Variants in KIF24 observed in about 807,000 individuals in gnomAD.
KIF24 encodes kinesin-like protein KIF24.
A neutral mutation model predicts 118.9 loss-of-function variants in KIF24; 81 were observed. The ratio of observed to expected loss-of-function variants is 0.68; its 90% CI spans 0.57 to 0.82. The LOEUF (loss-of-function observed/expected upper bound fraction) is 0.82, where lower values mean the gene tolerates loss of function less well. Among genes scored for constraint, KIF24 ranks in the 40% least tolerant of loss-of-function variants. KIF24 has a pLI of 0.00. For missense variants in KIF24, 1,560 were observed against 1,661.6 expected (o/e 0.94, Z 1.06); for synonymous variants, 599 against 610.0 (o/e 0.98, Z 0.27).
chr9:34,294,551 A>T (rs1325205595), intron 4 of KIF24, among the ~76,000 whole-genome samples: 1 of 152,026 alleles, frequency 6.6e-6, no homozygotes, highest in Non-Finnish European at 1.5e-5. Context: ...TCCGTCTCAA[A>T]AAAAAAAGAA....
At position 34,318,522 on chromosome 9, in the gene KIF24, C is replaced by T; in HGVS notation, c.-25-7151G>A. 2.1e-6 allele frequency: 2 copies of T among 944,180 alleles called. No homozygotes were observed. Among genetic ancestry groups the T allele is most frequent in the Non-Finnish European group, 3.3e-6 (2 of 597,286 alleles). 58.5% of individuals were successfully genotyped at this position (944,180 alleles called of 1,614,324 possible). A position where few individuals can be genotyped will look rare whatever the true frequency, so the allele number is the denominator to read the frequency against. On this transcript the variant is annotated intron_variant, in intron 1 of 12. Transcript: ENST00000402558. The surrounding 1 kb of genome is among the most constrained non-coding windows in gnomAD (Gnocchi z 4.9). ...ACCGCAGAGAAGCTGAGCCCCAAGG[C>T]AGCCACGCTGGCCGAACACAGCGCC...
intron 8 of KIF24, among the ~76,000 whole-genome samples, chr9:34,267,775 G>A: frequency 6.6e-6 from 1 of 152,192 alleles, no homozygotes; most frequent in East Asian, 1.9e-4. Flanking sequence ...CATTTCAAGT[G>A]CTCAATTGCC....
At chr9:34,328,697 G>C (rs186697096) in intron 1 of KIF24, among the ~76,000 whole-genome samples, 271 of 152,324 alleles carry the variant, frequency 1.8e-3, no homozygotes, top group Non-Finnish European at 2.6e-3. Flanking sequence ...AAGACATTGT[G>C]AACGATGCTT....
intron 4 of KIF24, among the ~76,000 whole-genome samples, chr9:34,296,747 C>T (rs1181083995): frequency 6.6e-6 from 1 of 151,132 alleles, no homozygotes; most frequent in Non-Finnish European, 1.5e-5. Context: ...TTTTTAACAC[C>T]CTTTCACTAT....
At position 34,256,810 on chromosome 9, in the gene KIF24, C is replaced by G; in HGVS notation, c.2797G>C (p.Asp933His). ...NSTSSGPSPR[D>H]SLAEKPYCSQ... ...CAGTATGGCTTCTCTGCCAGGCTGT[C>G]TCTGGGAGAAGGCCCTGAGGAAGTA... is the stretch of plus-strand genomic sequence containing the variant. The change falls in exon 11 of 13, where the codon GAC becomes CAC. Residue 933 changes from aspartate to histidine, a missense_variant. Transcript: ENST00000402558. 2 of 1,614,004 alleles carry G rather than the reference C, an allele frequency of 1.2e-6. No homozygotes were observed. Among genetic ancestry groups the G allele is most frequent in the Non-Finnish European group, 1.7e-6 (2 of 1,179,890 alleles).
At chr9:34,278,393 C>T (rs752060424) in intron 6 of KIF24, among the ~76,000 whole-genome samples, 1 of 152,086 alleles carries the variant, frequency 6.6e-6, no homozygotes, top group Non-Finnish European at 1.5e-5. Flanking sequence ...CTGGACAAGA[C>T]AGCAAAATTC....
chr9:34,331,284 A>T (rs1837926496), upstream of KIF24, among the ~76,000 whole-genome samples: 1 of 152,232 alleles, frequency 6.6e-6, no homozygotes. Flanking sequence ...CTTTTATGAC[A>T]CACGGGTAAC....
rs754865903 is a variant in KIF24 at position 34,297,121 on chromosome 9, A to G, written c.814-7T>C. The G allele has an allele frequency of 4.0e-6, 6 of 1,508,808 alleles. No homozygotes were observed. The highest frequency in any genetic ancestry group is 5.4e-6 in the Non-Finnish European group (6 of 1,104,774). The allele number at this position is 1,508,808 out of a possible 1,614,324, so 93.5% of individuals were successfully genotyped here. A position where few individuals can be genotyped will look rare whatever the true frequency, so the allele number is the denominator to read the frequency against. On this transcript the variant is annotated splice_region_variant and splice_polypyrimidine_tract_variant and intron_variant, in intron 3 of 12. Coordinates refer to ENST00000402558, the MANE Select transcript of KIF24 (RefSeq NM_194313.4). ...CATCAAAATAAAAAACATGCTGAAA[A>G]ATAAATTTGATTTTATGGAAAGAGA...
At chr9:34,268,641 G>A (rs964227197) in intron 8 of KIF24, among the ~76,000 whole-genome samples, 5 of 151,658 alleles carry the variant, frequency 3.3e-5, no homozygotes, top group African/African-American at 1.2e-4. Flanking sequence ...CTGAGTAGCT[G>A]GAATTACAGG....
chr9:34,317,841 G>C (rs1837378370), intron 1 of KIF24, among the ~76,000 whole-genome samples: 1 of 152,208 alleles, frequency 6.6e-6, no homozygotes. Context: ...CTTCCTTTAA[G>C]TGAAAGAATG....
Position 34,318,586 on chromosome 9 carries a change from C to A in KIF24, c.-25-7215G>T. On this transcript the variant is annotated intron_variant, in intron 1 of 12. Transcript: ENST00000402558. The surrounding 1 kb of genome is among the most constrained non-coding windows in gnomAD (Gnocchi z 4.9). ...GCCTGTACCAGGCCATGGCCAAGGA[C>A]CAGGCGGTGGAGAACATCCTGGTGT... is the stretch of plus-strand genomic sequence containing the variant. The A allele has an allele frequency of 7.3e-7, 1 of 1,373,740 alleles. No individual in the cohort carries two copies. The highest frequency in any genetic ancestry group is 2.3e-5 in the East Asian group (1 of 43,622). 85.1% of individuals were successfully genotyped at this position (1,373,740 alleles called of 1,614,324 possible). A position where few individuals can be genotyped will look rare whatever the true frequency, so the allele number is the denominator to read the frequency against.
chr9:34,288,117 A>G (rs1836118994), intron 5 of KIF24, among the ~76,000 whole-genome samples: 1 of 152,126 alleles, frequency 6.6e-6, no homozygotes, highest in Admixed American at 6.5e-5. Flanking sequence ...TTTGTTTTCC[A>G]GTTTAAGAGG....
At chr9:34,326,938 C>T (rs2039343) in intron 1 of KIF24, among the ~76,000 whole-genome samples, 106,428 of 151,818 alleles carry the variant, frequency 0.7, 39,338 homozygotes, top group East Asian at 0.95. Context: ...AGCTACTGCA[C>T]TGAACTGACA....
At chr9:34,333,309 C>A (rs1051201006), upstream of KIF24, among the ~76,000 whole-genome samples, 1 of 152,014 alleles carries the variant, frequency 6.6e-6, no homozygotes, top group African/African-American at 2.4e-5. Context: ...ACATCTTAAC[C>A]TCCAAAGGAA....
Position 34,291,560 on chromosome 9 carries a change from G to A in KIF24, c.912-1171C>T, listed in dbSNP as rs180793394. On this transcript the variant is annotated intron_variant, in intron 4 of 12. Transcript: ENST00000402558. ...CTCTTGTATGTGGTTACATGTGTGC[G>A]TACACACCCTTTATGAGTGTGAAGA... Among the ~76,000 whole-genome samples, 175 of 152,256 alleles carry A rather than the reference G, an allele frequency of 1.1e-3. 2 individuals are homozygous for A. The highest frequency in any genetic ancestry group is 4.4e-3 in the South Asian group (21 of 4,826).
At chr9:34,258,980 C>A (rs1834956933) in intron 10 of KIF24, among the ~76,000 whole-genome samples, 1 of 152,176 alleles carries the variant, frequency 6.6e-6, no homozygotes, top group South Asian at 2.1e-4. Context: ...AAACATCTTA[C>A]CTACTAGGAG....
chr9:34,262,676 ATATATATATATATATATATATATAT>A (rs1341566489), intron 9 of KIF24, among the ~76,000 whole-genome samples: 1 of 13,242 alleles, frequency 7.6e-5, no homozygotes, highest in Non-Finnish European at 1.2e-4. Context: ...AAAAAAAAAA[ATATATATATATATATATATATATAT>A]ATATATATAT....
At position 34,255,099 on chromosome 9, in the gene KIF24, C is replaced by G. The variant is rs1441071797; in HGVS notation, c.3939G>C (p.Glu1313Asp). Residue 1313 changes from glutamate (E) to aspartate (D), a missense_variant, in exon 12 of 13, where the codon GAG becomes GAC. By Grantham distance (45) the Glu-to-Asp change is conservative. This residue lies in a region of KIF24 where 591 missense variants were observed against 655.6 expected (regional missense o/e 0.90). Coordinates refer to ENST00000402558, the MANE Select transcript of KIF24 (RefSeq NM_194313.4). ...DEMAELGFKEETLMSQLASND... is the reference protein window; with the variant it reads ...DEMAELGFKEDTLMSQLASND... ...TAGAAGCCAGCTGGCTCATCAGCGTCTCCTCCTTGAAGCCGAGCTCAGCCA... is the reference window on the plus strand; with the variant it reads ...TAGAAGCCAGCTGGCTCATCAGCGTGTCCTCCTTGAAGCCGAGCTCAGCCA... 2 of 1,595,196 alleles carry G rather than the reference C, an allele frequency of 1.3e-6. No homozygotes were observed. The highest frequency in any genetic ancestry group is 1.7e-6 in the Non-Finnish European group (2 of 1,170,708).
Position 34,259,678 on chromosome 9 carries a change from C to T in KIF24, c.1543G>A (p.Ala515Thr). 1.2e-6 allele frequency: 2 copies of T among 1,613,880 alleles called. No individual in the cohort carries two copies. Among genetic ancestry groups the T allele is most frequent in the Non-Finnish European group, 1.7e-6 (2 of 1,179,796 alleles). Residue 515 changes from alanine (A) to threonine (T), a missense_variant, in exon 10 of 13, where the codon GCC (alanine) becomes ACC (threonine). Physicochemically the swap from Ala to Thr is moderately conservative, Grantham distance 58. Around this residue, in one of 3 missense-constraint regions of KIF24, gnomAD observed 964 missense variants for 988.0 expected, o/e 0.98. Transcript: ENST00000402558. The stretch of plus-strand genomic sequence containing the variant: ...ATGTTGGCGATCATGCAGGTTTTGG[C>T]ATTGCCGATGAAAGAGTCCTTCAGG... Reference protein sequence around the residue: ...QVLKDSFIGNAKTCMIANISP... With the variant: ...QVLKDSFIGNTKTCMIANISP...
Sources: allele counts gnomAD v4.1 joint callset (sites outside exome capture counted in the v4.1 genomes callset), GRCh38; gene constraint gnomAD v4.1.1; regional missense constraint gnomAD v4.1.1; non-coding constraint Gnocchi (gnomAD v3.1); transcripts MANE v1.5; gene names NCBI Gene and HGNC (gene_info 2026-07-23, HGNC 2026-07-21).